The following GPR176 variants were observed in gnomAD, a reference collection of about 807,000 sequenced individuals.
GPR176 encodes G protein-coupled receptor 176.
In GPR176, 26 loss-of-function variants were observed where a neutral mutation model predicts 35.4. The ratio of observed to expected loss-of-function variants is 0.74; its 90% CI spans 0.54 to 1.02. The LOEUF is 1.02. Ranked by LOEUF, GPR176 falls within the 50% of genes least tolerant of loss-of-function variation. GPR176 has a pLI of 0.00. For missense variants in GPR176, 597 were observed against 665.3 expected, an observed-to-expected ratio of 0.90 and a Z score of 1.13; for synonymous variants, 278 against 271.3, an observed-to-expected ratio of 1.02 and a Z score of -0.24.
intron 1 of GPR176, among the ~76,000 whole-genome samples, chr15:39,866,567 T>G (rs1461236653): frequency 6.6e-6 from 1 of 152,208 alleles, no homozygotes; most frequent in East Asian, 1.9e-4. Flanking sequence ...ATTTTGAAAC[T>G]AATTTAAGTA....
chr15:39,839,320 A>G (rs1446689261), intron 1 of GPR176, among the ~76,000 whole-genome samples: 1 of 152,132 alleles, frequency 6.6e-6, no homozygotes, highest in Admixed American at 6.6e-5. Context: ...CAGAAATAAT[A>G]CCACACATCT....
intron 1 of GPR176, chr15:39,829,158 CACT>C (rs756843714): frequency 2.6e-6 from 4 of 1,530,450 alleles, no homozygotes; most frequent in African/African-American, 2.8e-5. Context: ...GGGATGTGAT[CACT>C]ACGTCACACT....
chr15:39,802,061 G>T lies in GPR176; in HGVS notation c.619C>A (p.Leu207Met), dbSNP rs762664006. 6.8e-6 allele frequency: 11 copies of T among 1,614,066 alleles called. No individual in the cohort carries two copies. Among genetic ancestry groups the T allele is most frequent in the Admixed American group, 5.0e-5 (3 of 60,024 alleles). ...SNSLGHLVYV[L>M]VYNITTVIVP... is the part of the protein sequence containing the mutation. Reference sequence around the variant, plus strand: ...ATGACCGTGGTGATGTTATACACCAGAACGTACACCAGGTGGCCCAAGGAG... The same window carrying T: ...ATGACCGTGGTGATGTTATACACCATAACGTACACCAGGTGGCCCAAGGAG... Residue 207 changes from leucine to methionine, a missense_variant, in exon 3 of 3, where the codon CTG becomes ATG. Physicochemically the swap from Leu to Met is conservative, Grantham distance 15. Transcript: ENST00000561100.
At chr15:39,836,689 A>T (rs1442234991) in intron 1 of GPR176, among the ~76,000 whole-genome samples, 3 of 152,104 alleles carry the variant, frequency 2.0e-5, no homozygotes, top group Non-Finnish European at 4.4e-5. Flanking sequence ...TTCTAGGGGG[A>T]CAGGGCTATA....
chr15:39,864,965 A>G (rs962671572), intron 1 of GPR176, among the ~76,000 whole-genome samples: 1 of 151,792 alleles, frequency 6.6e-6, no homozygotes, highest in African/African-American at 2.4e-5. Flanking sequence ...ATTGCTAATC[A>G]TCAGAGAAAT....
chr15:39,889,457 G>C (rs940615024), intron 1 of GPR176, among the ~76,000 whole-genome samples: 5 of 151,950 alleles, frequency 3.3e-5, no homozygotes, highest in Non-Finnish European at 7.3e-5. Flanking sequence ...TGAGGCAGGA[G>C]AATCACTTGA....
At position 39,831,168 on chromosome 15, in the gene GPR176, G is replaced by C. The variant is rs116250232; in HGVS notation, c.173-23910C>G. 7.1e-3 allele frequency among the ~76,000 whole-genome samples: 1,075 copies of C among 152,246 alleles called. 12 individuals are homozygous for C. The highest frequency in any genetic ancestry group is 0.025 in the African/African-American group (1,023 of 41,550). The stretch of plus-strand genomic sequence containing the variant: ...AACAATGGAAATTTGGAGTTGCCTT[G>C]GTTTCTATGACTGCCAAACCTCAGC... On this transcript the variant is annotated intron_variant, in intron 1 of 2. Coordinates refer to ENST00000561100, the MANE Select transcript of GPR176 (RefSeq NM_007223.3).
chr15:39,816,707 T>C (rs1370751088), intron 1 of GPR176, among the ~76,000 whole-genome samples: 7 of 152,198 alleles, frequency 4.6e-5, no homozygotes, highest in Admixed American at 3.9e-4. Flanking sequence ...ACCAAGGATA[T>C]GTTACAAATA....
chr15:39,913,033 T>C lies in GPR176; in HGVS notation c.172+6822A>G, dbSNP rs181534363. 8.5e-5 allele frequency among the ~76,000 whole-genome samples: 13 copies of C among 152,320 alleles called. No individual in the cohort carries two copies. In the South Asian group the frequency reaches 1.2e-3, roughly 15 times the overall value. ...ATATTCAGAGCAGCATTATTCATAA[T>C]TGCCAAAAAGTAGAAACAACCCAAA... On this transcript the variant is annotated intron_variant, in intron 1 of 2. Transcript: ENST00000561100.
rs138866944 is a variant in GPR176, at chr15:39,867,432, G to T, written c.172+52423C>A. ...AGAAGACAGCAGACACACAGAGAAG[G>T]ACATCGGGAAATGCACAGCTGGCCA... On this transcript the variant is annotated intron_variant, in intron 1 of 2. Coordinates refer to ENST00000561100, the MANE Select transcript of GPR176 (RefSeq NM_007223.3). 1.8e-3 allele frequency among the ~76,000 whole-genome samples: 268 copies of T among 152,312 alleles called. 1 individual carries two copies. The highest frequency in any genetic ancestry group is 5.8e-3 in the African/African-American group (243 of 41,572).
chr15:39,915,872 G>T (rs544015324), intron 1 of GPR176, among the ~76,000 whole-genome samples: 1 of 152,098 alleles, frequency 6.6e-6, no homozygotes, highest in Non-Finnish European at 1.5e-5. Flanking sequence ...AGAGTGAGAC[G>T]CCATCTCAAA....
chr15:39,836,847 TA>T (rs1170361054), intron 1 of GPR176, among the ~76,000 whole-genome samples: 11 of 152,146 alleles, frequency 7.2e-5, no homozygotes, highest in Admixed American at 7.2e-4. Context: ...AGATGCTTAC[TA>T]AATGTTTGTC....
intron 1 of GPR176, among the ~76,000 whole-genome samples, chr15:39,919,204 A>T (rs1432433853): frequency 6.6e-6 from 1 of 151,744 alleles, no homozygotes; most frequent in African/African-American, 2.4e-5. Flanking sequence ...TAAATCTGGG[A>T]TGTGTGTGTG....
intron 1 of GPR176, among the ~76,000 whole-genome samples, chr15:39,903,956 G>C (rs1295307285): frequency 6.6e-6 from 1 of 152,190 alleles, no homozygotes; most frequent in Non-Finnish European, 1.5e-5. Context: ...AGGGCTGCTG[G>C]TTGCCCATTT....
At chr15:39,823,529 C>T (rs1900416614) in intron 1 of GPR176, among the ~76,000 whole-genome samples, 2 of 152,180 alleles carry the variant, frequency 1.3e-5, no homozygotes, top group African/African-American at 4.8e-5. Context: ...TCCATCCCCA[C>T]TAGCACCACT....
At chr15:39,844,446 C>T (rs1030509424) in intron 1 of GPR176, among the ~76,000 whole-genome samples, 1 of 152,048 alleles carries the variant, frequency 6.6e-6, no homozygotes, top group Non-Finnish European at 1.5e-5. Flanking sequence ...AGAATCCAAA[C>T]CACGGTTAGA....
intron 1 of GPR176, among the ~76,000 whole-genome samples, chr15:39,858,179 A>G (rs2031364603): frequency 6.6e-6 from 1 of 152,042 alleles, no homozygotes; most frequent in South Asian, 2.1e-4. Flanking sequence ...AGGGAACTAG[A>G]AAAACGGTGC....
At position 39,834,759 on chromosome 15, in the gene GPR176, T is replaced by A. The variant is rs560974719; in HGVS notation, c.173-27501A>T. ...CAATTGAACGCATGGAGATAGAGAG[T>A]AGAATGATGGTTAGCAGAGGCTGGT... is the stretch of plus-strand genomic sequence containing the variant. On this transcript the variant is annotated intron_variant, in intron 1 of 2. Transcript: ENST00000561100. 2.6e-5 allele frequency among the ~76,000 whole-genome samples: 4 copies of A among 151,884 alleles called. No individual in the cohort carries two copies. The South Asian group carries it at 6.2e-4, about 24-fold the overall frequency.
intron 1 of GPR176, among the ~76,000 whole-genome samples, chr15:39,851,818 C>G (rs1443461550): frequency 6.6e-6 from 1 of 152,190 alleles, no homozygotes; most frequent in Non-Finnish European, 1.5e-5. Context: ...CATTTCCAGT[C>G]ATCTCTTTTG....
Sources: allele counts gnomAD v4.1 joint callset (sites outside exome capture counted in the v4.1 genomes callset), GRCh38; gene constraint gnomAD v4.1.1; transcripts MANE v1.5; gene names NCBI Gene and HGNC (gene_info 2026-07-23, HGNC 2026-07-21).